SPTAN1: variants seen among roughly 807,000 people sequenced by gnomAD.
SPTAN1 encodes spectrin alpha chain, non-erythrocytic 1.
A neutral mutation model predicts 331.3 loss-of-function variants in SPTAN1; 61 were observed. The ratio of observed to expected loss-of-function variants is 0.18; its 90% confidence interval spans 0.15 to 0.23. The LOEUF (loss-of-function observed/expected upper bound fraction) is 0.23. Among genes scored for constraint, SPTAN1 ranks in the 10% least tolerant of loss-of-function variants. SPTAN1 has a pLI of 1.00. For synonymous variants in SPTAN1, 1,153 were observed against 1,173.9 expected (o/e 0.98, Z 0.36); for missense variants, 2,043 against 3,147.9 (o/e 0.65, Z 8.40).
chr9:128,625,734 A>C lies in SPTAN1; in HGVS notation c.6070-35A>C. ...GGAAGAGCAAGTTCCAGTCCTGTGG[A>C]GTCACCACAAATTGGCTTGTCACTC... On this transcript the variant is annotated intron_variant, in intron 47 of 56. Coordinates refer to ENST00000372739, the MANE Select transcript of SPTAN1 (RefSeq NM_001130438.3). The surrounding 1 kb of genome is among the most constrained non-coding windows in gnomAD (Gnocchi z 4.1). The C allele has an allele frequency of 6.3e-7, 1 of 1,596,742 alleles. No homozygotes were observed. The highest frequency in any genetic ancestry group is 8.6e-7 in the Non-Finnish European group (1 of 1,165,830).
intron 28 of SPTAN1, among the ~76,000 whole-genome samples, chr9:128,603,901 G>A (rs1346625430): frequency 6.6e-6 from 1 of 152,272 alleles, no homozygotes; most frequent in Non-Finnish European, 1.5e-5. Flanking sequence ...CGCCTGCAGT[G>A]CGAGGTCCTG....
At chr9:128,565,294 C>T (rs1039564573) in intron 1 of SPTAN1, among the ~76,000 whole-genome samples, 1 of 151,702 alleles carries the variant, frequency 6.6e-6, no homozygotes, top group African/African-American at 2.4e-5. Flanking sequence ...AGCGAGACTC[C>T]GTCTCAAACA....
At chr9:128,599,352 C>T in intron 26 of SPTAN1, 3 of 306,452 alleles carry the variant, frequency 9.8e-6, no homozygotes, top group Non-Finnish European at 1.3e-5. Context: ...CCAGGCTGGT[C>T]TCGAACTCCC....
At chr9:128,612,469 A>G (rs1856679513) in intron 39 of SPTAN1, among the ~76,000 whole-genome samples, 1 of 152,230 alleles carries the variant, frequency 6.6e-6, no homozygotes, top group Admixed American at 6.5e-5. Flanking sequence ...CAGGTCACTC[A>G]CATCCATAGG....
chr9:128,625,676 A>G lies in SPTAN1; in HGVS notation c.6070-93A>G. 2 of 1,231,732 alleles carry G rather than the reference A, an allele frequency of 1.6e-6. No individual in the cohort carries two copies. The highest frequency in any genetic ancestry group is 2.4e-5 in the South Asian group (2 of 82,810). The allele number at this position is 1,231,732 out of a possible 1,614,324, so 76.3% of individuals were successfully genotyped here. On this transcript the variant is annotated intron_variant, in intron 47 of 56. Transcript: ENST00000372739. This position sits in a 1 kb window ranked among gnomAD's most constrained non-coding sequence, Gnocchi z 4.1. The stretch of plus-strand genomic sequence containing the variant: ...TCCAGGTGGACAGTTTGGCTTGGGC[A>G]TCTGGGGGACATGCTGGTGCCATCT...
At chr9:128,559,770 C>T (rs1230153928) in intron 1 of SPTAN1, among the ~76,000 whole-genome samples, 2 of 145,584 alleles carry the variant, frequency 1.4e-5, no homozygotes, top group Non-Finnish European at 3.0e-5. Context: ...CTTGCTTTTT[C>T]GTCGCCCAGG....
In SPTAN1 at chr9:128,609,684, T is replaced by A; in HGVS notation, c.4773+19T>A. On this transcript the variant is annotated intron_variant, in intron 37 of 56. Coordinates refer to ENST00000372739, the MANE Select transcript of SPTAN1 (RefSeq NM_001130438.3). ...GCTGCTGGTAAGTTTTTAATTTTTT[T>A]AAGAGTTGTAGTTAAATGAGCTCCA... 1 of 1,491,508 alleles carries A rather than the reference T, an allele frequency of 6.7e-7. No homozygotes were observed. Among genetic ancestry groups the A allele is most frequent in the Non-Finnish European group, 8.9e-7 (1 of 1,118,784 alleles). 92.4% of individuals were successfully genotyped at this position (1,491,508 alleles called of 1,614,324 possible).
chr9:128,617,260 A>G (rs1857285985), intron 41 of SPTAN1, among the ~76,000 whole-genome samples: 1 of 151,952 alleles, frequency 6.6e-6, no homozygotes. Context: ...AAGTGTGTAT[A>G]TATGTATATA....
At chr9:128,617,831 T>C in intron 42 of SPTAN1, 71 bp downstream of exon 42, 2 of 1,611,906 alleles carry the variant, frequency 1.2e-6, no homozygotes, top group Non-Finnish European at 8.5e-7. Flanking sequence ...ACAAACCCCT[T>C]GCGCTTATTT....
intron 1 of SPTAN1, chr9:128,555,394 G>A: frequency 1.6e-6 from 2 of 1,289,530 alleles, no homozygotes; most frequent in Non-Finnish European, 2.0e-6. Flanking sequence ...TAAACGCAGA[G>A]TCCAGGTATT....
At chr9:128,585,651 A>G in intron 18 of SPTAN1, 97 bp from the exon 19 acceptor site, 1 of 1,022,122 alleles carries the variant, frequency 9.8e-7, no homozygotes, top group Non-Finnish European at 1.5e-6. Flanking sequence ...AAACATAGTA[A>G]TGAAAGTGCC....
chr9:128,597,513 C>A (rs1480141016), intron 24 of SPTAN1, among the ~76,000 whole-genome samples: 2 of 152,114 alleles, frequency 1.3e-5, no homozygotes, highest in African/African-American at 4.8e-5. Context: ...GACAGTGAGA[C>A]CCCGTCTCCA....
chr9:128,590,654 A>G (rs1853361426), intron 21 of SPTAN1, among the ~76,000 whole-genome samples: 1 of 151,646 alleles, frequency 6.6e-6, no homozygotes, highest in African/African-American at 2.4e-5. Context: ...GATTGAGACC[A>G]TCCTGGCCAA....
At chr9:128,613,536 C>A in intron 40 of SPTAN1, 51 bp downstream of exon 40, 2 of 1,445,508 alleles carry the variant, frequency 1.4e-6, no homozygotes, top group Non-Finnish European at 1.9e-6. Context: ...ACAGCTCTGC[C>A]TGACTCCTAA....
chr9:128,585,462 T>C (rs1852476967), intron 18 of SPTAN1, among the ~76,000 whole-genome samples: 1 of 152,210 alleles, frequency 6.6e-6, no homozygotes, highest in South Asian at 2.1e-4. Context: ...AACTGAGCGC[T>C]ACAGTGGTAC....
Position 128,625,037 on chromosome 9 carries a change from A to G in SPTAN1, c.5993-66A>G, listed in dbSNP as rs2131937454. The G allele has an allele frequency of 6.8e-7, 1 of 1,480,558 alleles. No individual in the cohort carries two copies. The highest frequency in any genetic ancestry group is 1.7e-5 in the Admixed American group (1 of 59,822). The allele number at this position is 1,480,558 out of a possible 1,614,324, so 91.7% of individuals were successfully genotyped here. On this transcript the variant is annotated intron_variant, in intron 46 of 56. Coordinates refer to ENST00000372739, the MANE Select transcript of SPTAN1 (RefSeq NM_001130438.3). This position sits in a 1 kb window ranked among gnomAD's most constrained non-coding sequence, Gnocchi z 4.1. ...CAAAAAATGGTTTGTCTGGGTTTTG[A>G]TGTTTTTCCTTTCTAATCCATCTCC...
intron 21 of SPTAN1, among the ~76,000 whole-genome samples, 160 bp from the exon 22 acceptor site, chr9:128,591,317 C>T (rs961918087): frequency 7.9e-5 from 12 of 152,096 alleles, no homozygotes; most frequent in East Asian, 5.8e-4. Flanking sequence ...CCACCCGCCT[C>T]GGTCTCCCAA....
In SPTAN1 at chr9:128,625,126, A is replaced by G; in HGVS notation, c.6016A>G (p.Thr2006Ala). The change falls in exon 47 of 57, where the codon ACA (threonine) becomes GCA (alanine). Residue 2006 changes from threonine to alanine, a missense_variant. Transcript: ENST00000372739. This position sits in a 1 kb window ranked among gnomAD's most constrained non-coding sequence, Gnocchi z 4.1. The stretch of plus-strand genomic sequence containing the variant: ...AGGTGAAAAGGAGAACAGCTTGAAG[A>G]CAGATGATTATGGCCGAGACCTGTC... ...WIGEKENSLKTDDYGRDLSSV... is the reference protein window; with the variant it reads ...WIGEKENSLKADDYGRDLSSV... 1 of 1,614,212 alleles carries G rather than the reference A, an allele frequency of 6.2e-7. No homozygotes were observed. The highest frequency in any genetic ancestry group is 8.5e-7 in the Non-Finnish European group (1 of 1,180,038).
chr9:128,594,429 ATTTTT>A (rs10679469), intron 24 of SPTAN1, 56 bp downstream of exon 24: 23 of 760,140 alleles, frequency 3.0e-5, no homozygotes, highest in African/African-American at 4.3e-5. Flanking sequence ...GAGTCTCTTG[ATTTTT>A]TTTTTTTTTT....
Sources: allele counts gnomAD v4.1 joint callset (sites outside exome capture counted in the v4.1 genomes callset), GRCh38; gene constraint gnomAD v4.1.1; non-coding constraint Gnocchi (gnomAD v3.1); transcripts MANE v1.5; gene names NCBI Gene and HGNC (gene_info 2026-07-23, HGNC 2026-07-21).